NRXN3: variants seen among roughly 807,000 people sequenced by gnomAD.
The protein encoded by NRXN3 is neurexin 3, also known as neurexin III.
A neutral mutation model predicts 137.6 loss-of-function variants in NRXN3; 32 were observed. The ratio of observed to expected loss-of-function variants is 0.23; its 90% CI spans 0.18 to 0.31. The LOEUF is 0.31. NRXN3 is among the 10% of genes least tolerant of loss of function. NRXN3 has a pLI of 1.00. For missense variants in NRXN3, 1,574 were observed against 2,062.5 expected, an observed-to-expected ratio of 0.76 and a Z score of 4.59; for synonymous variants, 798 against 784.5, an observed-to-expected ratio of 1.02 and a Z score of -0.29.
At chr14:79,827,440 G>T (rs890598958) in intron 20 of NRXN3, among the ~76,000 whole-genome samples, 18 of 152,160 alleles carry the variant, frequency 1.2e-4, no homozygotes, top group Non-Finnish European at 2.5e-4. Context: ...CTGTCTCACA[G>T]GATTTTGTCC....
chr14:79,630,894 G>A (rs1433616417), intron 16 of NRXN3, among the ~76,000 whole-genome samples: 1 of 152,164 alleles, frequency 6.6e-6, no homozygotes, highest in Non-Finnish European at 1.5e-5. Flanking sequence ...GTCTGAGAAT[G>A]CTTGAGCTTA....
intron 8 of NRXN3, among the ~76,000 whole-genome samples, chr14:78,771,663 C>T (rs1322902516): frequency 6.6e-6 from 1 of 152,176 alleles, no homozygotes; most frequent in Non-Finnish European, 1.5e-5. Context: ...TAAGAATGTA[C>T]ACAGAATGGC....
intron 15 of NRXN3, among the ~76,000 whole-genome samples, chr14:79,425,864 G>T (rs2095647869): frequency 6.6e-6 from 1 of 152,144 alleles, no homozygotes; most frequent in Non-Finnish European, 1.5e-5. Context: ...TCTATTTCTG[G>T]TCTAGAGCTC....
intron 16 of NRXN3, among the ~76,000 whole-genome samples, chr14:79,479,496 T>G (rs900541798): frequency 6.6e-6 from 1 of 151,986 alleles, no homozygotes; most frequent in Non-Finnish European, 1.5e-5. Flanking sequence ...AGATATATAC[T>G]GCTTTTCATA....
intron 19 of NRXN3, among the ~76,000 whole-genome samples, chr14:79,752,617 A>G (rs1374227927): frequency 1.3e-5 from 2 of 152,198 alleles, no homozygotes; most frequent in African/African-American, 4.8e-5. Context: ...TAAAAACCCT[A>G]GAAGAAAACC....
chr14:78,783,897 G>C (rs2098779280), intron 8 of NRXN3, among the ~76,000 whole-genome samples: 2 of 152,074 alleles, frequency 1.3e-5, no homozygotes, highest in African/African-American at 4.8e-5. Context: ...AGGCTTCATA[G>C]AGAAGACGAT....
chr14:79,590,871 G>T (rs1017841188), intron 16 of NRXN3, among the ~76,000 whole-genome samples: 3 of 152,188 alleles, frequency 2.0e-5, no homozygotes, highest in Admixed American at 1.3e-4. Flanking sequence ...CTTTTTATTG[G>T]ATTTGAATTG....
In NRXN3 at chr14:79,663,891, C is replaced by A; in HGVS notation, c.3558C>A (p.Asn1186Lys). 6.2e-7 allele frequency: 1 copy of A among 1,613,592 alleles called. No homozygotes were observed. Among genetic ancestry groups the A allele is most frequent in the East Asian group, 2.2e-5 (1 of 44,840 alleles). Residue 1186 changes from asparagine (N) to lysine (K), a missense_variant, in exon 17 of 21, where the codon AAC becomes AAA. Coordinates refer to ENST00000335750, the MANE Select transcript of NRXN3 (RefSeq NM_001330195.2). ...GKYHVVRFTR[N>K]GGNATLQVDN... ...ACCATGTGGTACGCTTCACCAGGAA[C>A]GGCGGCAACGCCACCCTGCAGGTGG...
chr14:79,101,198 AG>A (rs1383045604), intron 15 of NRXN3, among the ~76,000 whole-genome samples: 2 of 152,172 alleles, frequency 1.3e-5, no homozygotes, highest in African/African-American at 4.8e-5. Flanking sequence ...GGAGGCACTC[AG>A]GGCAGTGGTT....
chr14:79,304,320 G>A (rs1010079881), intron 15 of NRXN3, among the ~76,000 whole-genome samples: 3 of 152,152 alleles, frequency 2.0e-5, no homozygotes, highest in African/African-American at 7.2e-5. Flanking sequence ...AGAGAGGCTT[G>A]GTCTAAGAGG....
chr14:78,633,379 T>G (rs768508091), intron 4 of NRXN3, among the ~76,000 whole-genome samples: 3 of 152,132 alleles, frequency 2.0e-5, no homozygotes, highest in Non-Finnish European at 4.4e-5. Flanking sequence ...ACTAAAGATT[T>G]TCTTCTTTAT....
intron 1 of NRXN3, among the ~76,000 whole-genome samples, chr14:78,237,916 C>T (rs907519462): frequency 6.6e-6 from 1 of 152,156 alleles, no homozygotes; most frequent in Non-Finnish European, 1.5e-5. Context: ...CTGTGGGATG[C>T]CCGCAAAGGC....
At chr14:79,745,754 C>T (rs532227430) in intron 19 of NRXN3, among the ~76,000 whole-genome samples, 1 of 146,552 alleles carries the variant, frequency 6.8e-6, no homozygotes, top group African/African-American at 2.6e-5. Context: ...GAGCCATGCT[C>T]CCCCCTGCAA....
chr14:78,311,708 T>G (rs2153543812), intron 4 of NRXN3, among the ~76,000 whole-genome samples: 1 of 151,926 alleles, frequency 6.6e-6, no homozygotes, highest in Admixed American at 6.5e-5. Flanking sequence ...AACCTGTTCT[T>G]TCTTAGGTTT....
intron 15 of NRXN3, chr14:79,280,196 C>T (rs2081040582): frequency 6.5e-7 from 1 of 1,546,576 alleles, no homozygotes. Context: ...GCAACTCTTC[C>T]TCCTGCTATG....
intron 15 of NRXN3, among the ~76,000 whole-genome samples, chr14:79,139,908 C>T (rs2058632986): frequency 7.0e-6 from 1 of 143,758 alleles, no homozygotes; most frequent in South Asian, 2.2e-4. Context: ...ATGGCATATG[C>T]ATATATATAT....
chr14:78,380,586 C>G (rs7161068), intron 4 of NRXN3, among the ~76,000 whole-genome samples: 46,042 of 151,998 alleles, frequency 0.3, 8,457 homozygotes, highest in Admixed American at 0.41. Context: ...GTGCCAGAAG[C>G]TGGAGGAATT....
chr14:78,539,126 C>T (rs1433432139), intron 4 of NRXN3, among the ~76,000 whole-genome samples: 1 of 152,154 alleles, frequency 6.6e-6, no homozygotes, highest in African/African-American at 2.4e-5. Context: ...ATGTTGGCCT[C>T]ATAAAATGAG....
At chr14:79,745,048 G>A (rs2098975316) in intron 19 of NRXN3, among the ~76,000 whole-genome samples, 1 of 150,992 alleles carries the variant, frequency 6.6e-6, no homozygotes, top group South Asian at 2.1e-4. Flanking sequence ...AGGTAGAAAG[G>A]CACATTGTTT....
Sources: allele counts gnomAD v4.1 joint callset (sites outside exome capture counted in the v4.1 genomes callset), GRCh38; gene constraint gnomAD v4.1.1; transcripts MANE v1.5; gene names NCBI Gene and HGNC (gene_info 2026-07-23, HGNC 2026-07-21).